The following UBE2Q2 variants were observed in gnomAD, a reference collection of about 807,000 sequenced individuals.
UBE2Q2 encodes the protein ubiquitin-conjugating enzyme E2 Q2.
In UBE2Q2, 54 loss-of-function variants were observed where a neutral mutation model predicts 59.9. That is an observed-to-expected ratio of 0.90 (90% CI 0.72 to 1.13). The LOEUF (loss-of-function observed/expected upper bound fraction) is 1.13. UBE2Q2 is among the 50% of genes most tolerant of loss of function. The probability of loss-of-function intolerance (pLI) is 0.00; values close to 1 mark genes in which losing one functional copy is unlikely to be tolerated. For synonymous variants in UBE2Q2, 165 were observed against 155.2 expected, an observed-to-expected ratio of 1.06 and a Z score of -0.47; for missense variants, 433 against 441.9, an observed-to-expected ratio of 0.98 and a Z score of 0.18.
intron 8 of UBE2Q2, 126 bp from the exon 9 acceptor site, chr15:75,883,235 AATTTT>A: frequency 1.2e-6 from 1 of 833,462 alleles, no homozygotes; most frequent in Non-Finnish European, 1.8e-6. Context: ...TTTGGGTACT[AATTTT>A]ATGACTCTTA....
At chr15:75,844,047 T>A in intron 1 of UBE2Q2, 1 of 1,407,504 alleles carries the variant, frequency 7.1e-7, no homozygotes, top group Non-Finnish European at 9.2e-7. Context: ...GGAGGGCGCG[T>A]CTTTCCGGCT....
chr15:75,848,325 C>A (rs957064447), intron 1 of UBE2Q2, among the ~76,000 whole-genome samples: 2 of 152,140 alleles, frequency 1.3e-5, no homozygotes, highest in African/African-American at 4.8e-5. Flanking sequence ...AAAAAGTAGT[C>A]CAGTCAAAGT....
chr15:75,885,784 G>A (rs995790953), intron 9 of UBE2Q2, among the ~76,000 whole-genome samples: 6 of 152,184 alleles, frequency 3.9e-5, no homozygotes, highest in Non-Finnish European at 5.9e-5. Flanking sequence ...GTGTGAAATA[G>A]TTGTTTAGAA....
chr15:75,871,172 T>C (rs1897764610), intron 4 of UBE2Q2, among the ~76,000 whole-genome samples: 2 of 152,224 alleles, frequency 1.3e-5, no homozygotes, highest in Non-Finnish European at 1.5e-5. Context: ...CTTTTAGATA[T>C]GCATGCACAT....
intron 9 of UBE2Q2, among the ~76,000 whole-genome samples, chr15:75,885,832 G>A (rs1046305468): frequency 2.0e-5 from 3 of 152,132 alleles, no homozygotes; most frequent in South Asian, 2.1e-4. Flanking sequence ...TAAAGCTTCC[G>A]TAGACTGTTT....
chr15:75,868,975 TCAG>T lies in UBE2Q2; in HGVS notation c.413_415del (p.Ser138_Glu139delinsTer), dbSNP rs753440437. On this transcript the variant is annotated stop_gained and inframe_deletion, in exon 4 of 13. Coordinates refer to ENST00000267938, the MANE Select transcript of UBE2Q2 (RefSeq NM_173469.4). LOFTEE classifies it high-confidence loss of function. ...GAATGGGACAACAGAAGAAGTGACT[TCAG>T]AAGAAGAGGAAGAAGAAGAAGAGAT... The T allele has an allele frequency of 7.4e-6, 12 of 1,612,828 alleles. No individual in the cohort carries two copies. The highest frequency in any genetic ancestry group is 1.1e-5 in the South Asian group (1 of 91,058).
At position 75,843,792 on chromosome 15, in the gene UBE2Q2, G is replaced by C. The variant is rs1896151472; in HGVS notation, c.126G>C (p.Gln42His). Residue 42 changes from glutamine to histidine, a missense_variant, in exon 1 of 13, where the codon CAG becomes CAC. Coordinates refer to ENST00000267938, the MANE Select transcript of UBE2Q2 (RefSeq NM_173469.4). The stretch of plus-strand genomic sequence containing the variant: ...TGCACTGCCAGTTCCTGGTGCCGCA[G>C]CAGGGCAGCCCGCACTCGCTGCCGC... ...DELHCQFLVP[Q>H]QGSPHSLPPP... 6.2e-7 allele frequency: 1 copy of C among 1,608,032 alleles called. No individual in the cohort carries two copies. Among genetic ancestry groups the C allele is most frequent in the Non-Finnish European group, 8.5e-7 (1 of 1,178,172 alleles).
chr15:75,859,848 A>G (rs543175266), intron 2 of UBE2Q2, 30 bp from the exon 3 acceptor site: 2 of 1,518,516 alleles, frequency 1.3e-6, no homozygotes, highest in Admixed American at 2.1e-5. Context: ...TCTTTAACAT[A>G]ATGCTTATTT....
At chr15:75,849,504 G>T (rs537728249) in intron 1 of UBE2Q2, among the ~76,000 whole-genome samples, 1 of 152,306 alleles carries the variant, frequency 6.6e-6, no homozygotes, top group Non-Finnish European at 1.5e-5. Flanking sequence ...GAGAAAAATA[G>T]ATACAGAAAG....
At chr15:75,884,317 T>A (rs552418251) in intron 9 of UBE2Q2, among the ~76,000 whole-genome samples, 7 of 152,344 alleles carry the variant, frequency 4.6e-5, no homozygotes, top group African/African-American at 1.7e-4. Flanking sequence ...GTTGAGATAG[T>A]AATAGTTGCA....
intron 1 of UBE2Q2, chr15:75,844,335 G>T: frequency 6.5e-7 from 1 of 1,549,896 alleles, no homozygotes. Flanking sequence ...TTAAGTTTGC[G>T]TTTAAGGAGA....
rs1384450862 is a variant in UBE2Q2 at position 75,876,248 on chromosome 15, A to G, written c.650A>G (p.Tyr217Cys). ...DRLMKELRDI[Y>C]RSQSYKTGIY... ...CTTATGAAAGAGCTCAGGGACATATACAGATCACAGAGTTATAAAACAGGT... is the reference window on the plus strand; with the variant it reads ...CTTATGAAAGAGCTCAGGGACATATGCAGATCACAGAGTTATAAAACAGGT... Residue 217 changes from tyrosine (Y) to cysteine (C), a missense_variant, in exon 6 of 13, where the codon TAC (tyrosine) becomes TGC (cysteine). Transcript: ENST00000267938. 2 of 1,613,876 alleles carry G rather than the reference A, an allele frequency of 1.2e-6. No homozygotes were observed. Among genetic ancestry groups the G allele is most frequent in the Admixed American group, 3.3e-5 (2 of 60,004 alleles).
rs913716633 is a variant in UBE2Q2, at chr15:75,900,748, T to A, written c.*1290T>A. 1 of 152,636 alleles carries A rather than the reference T, an allele frequency of 6.6e-6. No homozygotes were observed. Among genetic ancestry groups the A allele is most frequent in the African/African-American group, 2.4e-5 (1 of 41,454 alleles). 9.5% of individuals were successfully genotyped at this position (152,636 alleles called of 1,614,324 possible). A position where few individuals can be genotyped will look rare whatever the true frequency, so the allele number is the denominator to read the frequency against. On this transcript the variant is annotated 3_prime_UTR_variant, in exon 13 of 13. Coordinates refer to ENST00000267938, the MANE Select transcript of UBE2Q2 (RefSeq NM_173469.4). The stretch of plus-strand genomic sequence containing the variant: ...CCATTTTGGTTAAGAGAGCAGTAAA[T>A]AGATTTTCTGGTATTCTTGTTCACT...
At chr15:75,891,487 T>TG (rs1416807296) in intron 11 of UBE2Q2, among the ~76,000 whole-genome samples, 3 of 150,832 alleles carry the variant, frequency 2.0e-5, no homozygotes, top group Non-Finnish European at 3.0e-5. Flanking sequence ...CTTACCAAGT[T>TG]TTTTTTTTTT....
At chr15:75,860,938 A>G (rs1897176192) in intron 3 of UBE2Q2, among the ~76,000 whole-genome samples, 1 of 152,202 alleles carries the variant, frequency 6.6e-6, no homozygotes, top group African/African-American at 2.4e-5. Flanking sequence ...TCTGAGCTCT[A>G]GCTTCTGAAA....
chr15:75,899,791 CT>C lies in UBE2Q2; in HGVS notation c.*336del. On this transcript the variant is annotated 3_prime_UTR_variant, in exon 13 of 13. Transcript: ENST00000267938. Reference sequence around the variant, plus strand: ...TACTGAAGTTGAGGCTTTAGGGTAACTTTCCTATATTGAGCCCATGGGTTAC... The same window carrying C: ...TACTGAAGTTGAGGCTTTAGGGTAACTTCCTATATTGAGCCCATGGGTTAC... 1 of 179,788 alleles carries C rather than the reference CT, an allele frequency of 5.6e-6. No homozygotes were observed. The highest frequency in any genetic ancestry group is 1.2e-5 in the Non-Finnish European group (1 of 86,474). 11.1% of individuals were successfully genotyped at this position (179,788 alleles called of 1,614,324 possible). A position where few individuals can be genotyped will look rare whatever the true frequency, so the allele number is the denominator to read the frequency against.
chr15:75,898,586 G>C (rs560439174), intron 12 of UBE2Q2, among the ~76,000 whole-genome samples: 21 of 152,238 alleles, frequency 1.4e-4, no homozygotes, highest in African/African-American at 3.9e-4. Context: ...TTGTACAATA[G>C]CTCAAGATGG....
At chr15:75,893,397 A>G (rs934698280) in intron 11 of UBE2Q2, among the ~76,000 whole-genome samples, 1 of 152,204 alleles carries the variant, frequency 6.6e-6, no homozygotes, top group Non-Finnish European at 1.5e-5. Flanking sequence ...AGGAGGATAT[A>G]GCAATTTTTG....
intron 1 of UBE2Q2, 192 bp downstream of exon 1, chr15:75,844,038 G>C (rs1019795697): frequency 4.3e-6 from 6 of 1,408,552 alleles, no homozygotes; most frequent in Non-Finnish European, 5.5e-6. Flanking sequence ...GGAGGAGGCG[G>C]AGGGCGCGTC....
Sources: allele counts gnomAD v4.1 joint callset (sites outside exome capture counted in the v4.1 genomes callset), GRCh38; gene constraint gnomAD v4.1.1; transcripts MANE v1.5; gene names NCBI Gene and HGNC (gene_info 2026-07-23, HGNC 2026-07-21).